Variants in ZNF501 observed in about 807,000 individuals in gnomAD.
The protein encoded by ZNF501 is zinc finger protein 501.
In ZNF501, 7 loss-of-function variants were observed where a neutral mutation model predicts 5.7. The ratio of observed to expected loss-of-function variants is 1.24; its 90% confidence interval spans 0.70 to 2.32. ZNF501 has a LOEUF of 2.32. Ranked by LOEUF, ZNF501 falls within the 30% of genes most tolerant of loss-of-function variation. The probability of loss-of-function intolerance (pLI) is 0.00; values close to 1 mark genes in which losing one functional copy is unlikely to be tolerated. For missense variants in ZNF501, 352 were observed against 321.1 expected (o/e 1.10, Z -0.73); for synonymous variants, 107 against 101.9 (o/e 1.05, Z -0.30).
chr3:44,734,358 C>T lies in ZNF501; in HGVS notation c.-64C>T. 1 of 1,422,428 alleles carries T rather than the reference C, an allele frequency of 7.0e-7. No individual in the cohort carries two copies. The highest frequency in any genetic ancestry group is 9.7e-7 in the Non-Finnish European group (1 of 1,029,776). The allele number at this position is 1,422,428 out of a possible 1,614,324, so 88.1% of individuals were successfully genotyped here. ...AACCTTTCCTAGGAGAACTGTATTACTCTAATGATAATCACCTTTGAGGAA... is the reference window on the plus strand; with the variant it reads ...AACCTTTCCTAGGAGAACTGTATTATTCTAATGATAATCACCTTTGAGGAA... On this transcript the variant is annotated 5_prime_UTR_variant, in exon 3 of 3. Coordinates refer to ENST00000620116, the MANE Select transcript of ZNF501 (RefSeq NM_001258280.2).
rs1704698281 is a variant in ZNF501 at position 44,736,286 on chromosome 3, T to A, written c.*1049T>A. The A allele has an allele frequency of 6.0e-6, 1 of 167,082 alleles. No individual in the cohort carries two copies. The highest frequency in any genetic ancestry group is 1.5e-5 in the Non-Finnish European group (1 of 68,130). The allele number at this position is 167,082 out of a possible 1,614,324, so 10.3% of individuals were successfully genotyped here. A position where few individuals can be genotyped will look rare whatever the true frequency, so the allele number is the denominator to read the frequency against. ...AATCAAAGAATACTTTTGATGGAGC[T>A]TTAGGCTATGCTAAGCCTTTTAATG... On this transcript the variant is annotated 3_prime_UTR_variant, in exon 3 of 3. Coordinates refer to ENST00000620116, the MANE Select transcript of ZNF501 (RefSeq NM_001258280.2).
In ZNF501 at chr3:44,735,351, A is replaced by C. The variant is rs1704682388; in HGVS notation, c.*114A>C. ...GCTAGTATGAATATTTTGTATTTTG[A>C]ACAAGAAATGTTGTGTCCTAATGTG... On this transcript the variant is annotated 3_prime_UTR_variant, in exon 3 of 3. Transcript: ENST00000620116. 3.9e-6 allele frequency: 4 copies of C among 1,014,866 alleles called. No homozygotes were observed. In the South Asian group the frequency reaches 7.2e-5, roughly 18 times the overall value. The allele number at this position is 1,014,866 out of a possible 1,614,324, so 62.9% of individuals were successfully genotyped here.
At chr3:44,732,914 C>T (rs1448060119) in intron 2 of ZNF501, among the ~76,000 whole-genome samples, 2 of 152,162 alleles carry the variant, frequency 1.3e-5, no homozygotes, top group East Asian at 3.8e-4. Context: ...GCCTCAACAT[C>T]CTGGGCTCAA....
chr3:44,734,879 A>C lies in ZNF501; in HGVS notation c.458A>C (p.Gln153Pro). 1 of 1,613,920 alleles carries C rather than the reference A, an allele frequency of 6.2e-7. No individual in the cohort carries two copies. Among genetic ancestry groups the C allele is most frequent in the Non-Finnish European group, 8.5e-7 (1 of 1,180,024 alleles). The change falls in exon 3 of 3, where the codon CAG (glutamine) becomes CCG (proline). Residue 153 changes from glutamine to proline, a missense_variant. Transcript: ENST00000620116. ...FSQSICLTRH[Q>P]RSHSGDKPFK... ...CAGAGCATATGCCTTACTCGTCATCAGAGAAGTCATTCTGGAGATAAACCT... is the reference window on the plus strand; with the variant it reads ...CAGAGCATATGCCTTACTCGTCATCCGAGAAGTCATTCTGGAGATAAACCT...
chr3:44,733,810 C>T (rs1012775976), intron 2 of ZNF501, among the ~76,000 whole-genome samples: 5 of 152,202 alleles, frequency 3.3e-5, no homozygotes, highest in Non-Finnish European at 5.9e-5. Context: ...TCCAATGAGG[C>T]ACCTGTAAAG....
Position 44,735,507 on chromosome 3 carries a change from G to A in ZNF501, c.*270G>A. ...CCTAGGGTTGTCCTGAGAATAAAAT[G>A]AGTTCTGTGTGACAGTTAACTGCCA... On this transcript the variant is annotated 3_prime_UTR_variant, in exon 3 of 3. Transcript: ENST00000620116. The A allele has an allele frequency of 3.3e-6, 1 of 300,388 alleles. No homozygotes were observed. 18.6% of individuals were successfully genotyped at this position (300,388 alleles called of 1,614,324 possible). A position where few individuals can be genotyped will look rare whatever the true frequency, so the allele number is the denominator to read the frequency against.
Position 44,736,731 on chromosome 3 carries a change from A to G in ZNF501, c.*1494A>G, listed in dbSNP as rs1704706897. 2 of 167,098 alleles carry G rather than the reference A, an allele frequency of 1.2e-5. No homozygotes were observed. The highest frequency in any genetic ancestry group is 4.1e-4 in the South Asian group (2 of 4,830). 10.4% of individuals were successfully genotyped at this position (167,098 alleles called of 1,614,324 possible). A position where few individuals can be genotyped will look rare whatever the true frequency, so the allele number is the denominator to read the frequency against. On this transcript the variant is annotated 3_prime_UTR_variant, in exon 3 of 3. Coordinates refer to ENST00000620116, the MANE Select transcript of ZNF501 (RefSeq NM_001258280.2). ...TGTTTTAATCTGCAGTTCACCAATA[A>G]TATATGAATTTAGCATCTTTTCATA... is the stretch of plus-strand genomic sequence containing the variant.
At chr3:44,733,443 T>G (rs1018583604) in intron 2 of ZNF501, among the ~76,000 whole-genome samples, 1 of 152,246 alleles carries the variant, frequency 6.6e-6, no homozygotes, top group African/African-American at 2.4e-5. Flanking sequence ...CACATACTGT[T>G]TTTCTAAAGT....
chr3:44,734,174 C>A, intron 2 of ZNF501, 23 bp from the exon 3 acceptor site: 1 of 393,048 alleles, frequency 2.5e-6, no homozygotes, highest in African/African-American at 2.0e-5. Flanking sequence ...TTCCTAATAC[C>A]TGTCACTACT....
Position 44,735,186 on chromosome 3 carries a change from T to G in ZNF501, c.765T>G (p.Phe255Leu), listed in dbSNP as rs761474570. 1.2e-6 allele frequency: 2 copies of G among 1,608,000 alleles called. No individual in the cohort carries two copies. The highest frequency in any genetic ancestry group is 1.7e-6 in the Non-Finnish European group (2 of 1,176,384). Residue 255 changes from phenylalanine (F) to leucine (L), a missense_variant, in exon 3 of 3, where the codon TTT (phenylalanine) becomes TTG (leucine). Phe to Leu is a conservative substitution (Grantham distance 22). Transcript: ENST00000620116. ...AGTGTGTTGGATGTGGGAAATCCTT[T>G]AGGCACAGTTCAGCACTTCTTCGAC... is the stretch of plus-strand genomic sequence containing the variant. ...PYECVGCGKS[F>L]RHSSALLRHQ...
rs1182131763 is a variant in ZNF501 at position 44,729,669 on chromosome 3, G to A, written c.-657G>A. ...CGCAGGGCAGCACCCAGGGACCTGA[G>A]TGTTGCAAGGTGCGAGAGGGGAGCG... On this transcript the variant is annotated 5_prime_UTR_variant, in exon 1 of 3. In the 5' UTR this introduces an upstream ATG that the reference lacks. Transcript: ENST00000620116. 2 of 152,414 alleles carry A rather than the reference G, an allele frequency of 1.3e-5. No homozygotes were observed. Among genetic ancestry groups the A allele is most frequent in the African/African-American group, 2.4e-5 (1 of 41,468 alleles). 9.4% of individuals were successfully genotyped at this position (152,414 alleles called of 1,614,324 possible). A position where few individuals can be genotyped will look rare whatever the true frequency, so the allele number is the denominator to read the frequency against.
rs201026294 is a variant in ZNF501, at chr3:44,734,578, A to G, written c.157A>G (p.Ser53Gly). The change falls in exon 3 of 3, where the codon AGT (serine) becomes GGT (glycine). Residue 53 changes from serine (S) to glycine (G), a missense_variant. By Grantham distance (56) the Ser-to-Gly change is moderately conservative (BLOSUM62 0). Coordinates refer to ENST00000620116, the MANE Select transcript of ZNF501 (RefSeq NM_001258280.2). ...IHRGEKPYVC[S>G]ECGSCFRKQS... is the part of the protein sequence containing the mutation. Reference sequence around the variant, plus strand: ...CAGAGGAGAGAAGCCCTATGTGTGCAGTGAATGTGGAAGTTGTTTCCGTAA... The same window carrying G: ...CAGAGGAGAGAAGCCCTATGTGTGCGGTGAATGTGGAAGTTGTTTCCGTAA... 1.6e-4 allele frequency: 265 copies of G among 1,614,212 alleles called. 2 individuals are homozygous for G. In the East Asian group the frequency reaches 5.4e-3, roughly 33 times the overall value.
rs114584722 is a variant in ZNF501, at chr3:44,735,109, C to G, written c.688C>G (p.Gln230Glu). The change falls in exon 3 of 3, where the codon CAA becomes GAA. Residue 230 changes from glutamine to glutamate, a missense_variant. Transcript: ENST00000620116. ...TGAGTGTGAAAAAACTTTCCGCAAA[C>G]AAGCACACCTTAGTGAGCATTACAG... ...CSECEKTFRK[Q>E]AHLSEHYRIH... 1 of 1,614,154 alleles carries G rather than the reference C, an allele frequency of 6.2e-7. No homozygotes were observed. The highest frequency in any genetic ancestry group is 8.5e-7 in the Non-Finnish European group (1 of 1,180,012).
Position 44,735,955 on chromosome 3 carries a change from T to C in ZNF501, c.*718T>C. On this transcript the variant is annotated 3_prime_UTR_variant, in exon 3 of 3. Coordinates refer to ENST00000620116, the MANE Select transcript of ZNF501 (RefSeq NM_001258280.2). ...CCTCATGTTGTGGGACTTCTGTGTG[T>C]GTTTAGGGTTGGCAGCAGGTGATTA... 1 of 167,208 alleles carries C rather than the reference T, an allele frequency of 6.0e-6. No homozygotes were observed. The allele number at this position is 167,208 out of a possible 1,614,324, so 10.4% of individuals were successfully genotyped here. A position where few individuals can be genotyped will look rare whatever the true frequency, so the allele number is the denominator to read the frequency against.
Position 44,735,767 on chromosome 3 carries a change from A to G in ZNF501, c.*530A>G, listed in dbSNP as rs1238488950. 6.0e-6 allele frequency: 1 copy of G among 166,472 alleles called. No homozygotes were observed. The highest frequency in any genetic ancestry group is 1.5e-5 in the Non-Finnish European group (1 of 68,192). The allele number at this position is 166,472 out of a possible 1,614,324, so 10.3% of individuals were successfully genotyped here. On this transcript the variant is annotated 3_prime_UTR_variant, in exon 3 of 3. Transcript: ENST00000620116. ...TTCAGATTTAATCAGAGAAAAATGTACTGATTGGGATTTGAGTGGACATTG... is the reference window on the plus strand; with the variant it reads ...TTCAGATTTAATCAGAGAAAAATGTGCTGATTGGGATTTGAGTGGACATTG...
Position 44,735,308 on chromosome 3 carries a change from T to C in ZNF501, c.*71T>C, listed in dbSNP as rs1246398365. Reference sequence around the variant, plus strand: ...TTTTTTTCTCCTAAATTCCTAGGAATGTAAGACTCAATCTGTAGCTAGTAT... The same window carrying C: ...TTTTTTTCTCCTAAATTCCTAGGAACGTAAGACTCAATCTGTAGCTAGTAT... On this transcript the variant is annotated 3_prime_UTR_variant, in exon 3 of 3. Coordinates refer to ENST00000620116, the MANE Select transcript of ZNF501 (RefSeq NM_001258280.2). The C allele has an allele frequency of 5.5e-6, 7 of 1,277,550 alleles. No homozygotes were observed. The highest frequency in any genetic ancestry group is 4.8e-5 in the East Asian group (2 of 42,092). The allele number at this position is 1,277,550 out of a possible 1,614,324, so 79.1% of individuals were successfully genotyped here. A position where few individuals can be genotyped will look rare whatever the true frequency, so the allele number is the denominator to read the frequency against.
At position 44,735,840 on chromosome 3, in the gene ZNF501, ACTTT is replaced by A. The variant is rs373871235; in HGVS notation, c.*606_*609del. 9.6e-4 allele frequency: 160 copies of A among 167,016 alleles called. No homozygotes were observed. Among genetic ancestry groups the A allele is most frequent in the Non-Finnish European group, 2.0e-3 (136 of 68,100 alleles). 10.3% of individuals were successfully genotyped at this position (167,016 alleles called of 1,614,324 possible). A position where few individuals can be genotyped will look rare whatever the true frequency, so the allele number is the denominator to read the frequency against. ...TCAAGATCTTCATTTAAATTTTGAT[ACTTT>A]CTATTACTAGATCTAATTTGATTTT... On this transcript the variant is annotated 3_prime_UTR_variant, in exon 3 of 3. Coordinates refer to ENST00000620116, the MANE Select transcript of ZNF501 (RefSeq NM_001258280.2).
chr3:44,733,712 G>A (rs1312711061), intron 2 of ZNF501, among the ~76,000 whole-genome samples: 14 of 152,310 alleles, frequency 9.2e-5, no homozygotes, highest in Admixed American at 6.5e-5. Flanking sequence ...CTTTCAGTAA[G>A]CAGGACTCTA....
Position 44,734,548 on chromosome 3 carries a change from A to T in ZNF501, c.127A>T (p.Ile43Phe). ...QRSSLTQHQR[I>F]HRGEKPYVCS... ...ATCATCTCTTACCCAGCACCAGAGGATTCACAGAGGAGAGAAGCCCTATGT... is the reference window on the plus strand; with the variant it reads ...ATCATCTCTTACCCAGCACCAGAGGTTTCACAGAGGAGAGAAGCCCTATGT... The change falls in exon 3 of 3, where the codon ATT becomes TTT. Residue 43 changes from isoleucine (I) to phenylalanine (F), a missense_variant. Coordinates refer to ENST00000620116, the MANE Select transcript of ZNF501 (RefSeq NM_001258280.2). 1 of 1,614,190 alleles carries T rather than the reference A, an allele frequency of 6.2e-7. No individual in the cohort carries two copies. The highest frequency in any genetic ancestry group is 8.5e-7 in the Non-Finnish European group (1 of 1,180,022).
Sources: allele counts gnomAD v4.1 joint callset (sites outside exome capture counted in the v4.1 genomes callset), GRCh38; gene constraint gnomAD v4.1.1; transcripts MANE v1.5; gene names NCBI Gene and HGNC (gene_info 2026-07-23, HGNC 2026-07-21).